MGAT4C: variants seen among roughly 807,000 people sequenced by gnomAD.
MGAT4C encodes alpha-1,3-mannosyl-glycoprotein 4-beta-N-acetylglucosaminyltransferase C.
MGAT4C carries 19 observed loss-of-function variants against 40.1 expected under a neutral mutation model. That is an observed-to-expected ratio of 0.47 (90% CI 0.33 to 0.70). MGAT4C has a LOEUF of 0.70. Among genes scored for constraint, MGAT4C ranks in the 30% least tolerant of loss-of-function variants. The pLI is 0.02. For synonymous variants in MGAT4C, 181 were observed against 187.1 expected (o/e 0.97, Z 0.27); for missense variants, 491 against 563.2 (o/e 0.87, Z 1.30).
At chr12:85,989,657 G>T in intron 2 of MGAT4C, 105 bp from the exon 3 acceptor site, 1 of 1,069,826 alleles carries the variant, frequency 9.3e-7, no homozygotes, top group Non-Finnish European at 1.3e-6. Flanking sequence ...TCTTTCAAAT[G>T]TTTGAATTAA....
At chr12:86,408,109 C>T (rs1009288808) in intron 3 of MGAT4C, among the ~76,000 whole-genome samples, 1 of 151,996 alleles carries the variant, frequency 6.6e-6, no homozygotes, top group Non-Finnish European at 1.5e-5. Context: ...CACGCACACA[C>T]ACACAACTGC....
intron 4 of MGAT4C, among the ~76,000 whole-genome samples, chr12:86,327,314 AT>A (rs1203219417): frequency 6.6e-6 from 1 of 151,834 alleles, no homozygotes; most frequent in Non-Finnish European, 1.5e-5. Context: ...GGATTTTTTA[AT>A]TTTTTTATTT....
At chr12:86,490,665 T>C (rs1022154121) in intron 2 of MGAT4C, among the ~76,000 whole-genome samples, 10 of 151,734 alleles carry the variant, frequency 6.6e-5, no homozygotes, top group Non-Finnish European at 1.5e-5. Flanking sequence ...CAGTGTGCTG[T>C]ATTCAGGAAA....
At chr12:86,239,137 A>C (rs1951670912) in intron 1 of MGAT4C, among the ~76,000 whole-genome samples, 1 of 152,052 alleles carries the variant, frequency 6.6e-6, no homozygotes, top group Non-Finnish European at 1.5e-5. Context: ...GCATTATTAA[A>C]ACTAGGTATA....
chr12:86,366,146 G>C (rs12228782), intron 3 of MGAT4C, among the ~76,000 whole-genome samples: 2 of 151,946 alleles, frequency 1.3e-5, no homozygotes, highest in East Asian at 3.9e-4. Flanking sequence ...TTTTGTGTGC[G>C]TGTGGCTATT....
chr12:86,690,362 C>T (rs181036995), intron 2 of MGAT4C, among the ~76,000 whole-genome samples: 19 of 152,198 alleles, frequency 1.2e-4, no homozygotes, highest in Non-Finnish European at 1.6e-4. Flanking sequence ...CACTGGGGTA[C>T]GAAAAAGACT....
intron 4 of MGAT4C, among the ~76,000 whole-genome samples, chr12:86,322,450 C>T (rs551688089): frequency 6.6e-6 from 1 of 150,816 alleles, no homozygotes; most frequent in Admixed American, 6.6e-5. Context: ...GTTGCTATTA[C>T]ATTTTTAGAC....
intron 1 of MGAT4C, among the ~76,000 whole-genome samples, chr12:86,821,348 C>T (rs771217944): frequency 5.3e-5 from 8 of 150,694 alleles, no homozygotes; most frequent in Middle Eastern, 3.4e-3. Flanking sequence ...AGTTAAGCAA[C>T]GTTTAATCTT....
In MGAT4C at chr12:85,971,270, G is replaced by A. The variant is rs1017132203; in HGVS notation, c.*8019C>T. The A allele has an allele frequency of 7.3e-5, 11 of 151,246 alleles. No individual in the cohort carries two copies. Among genetic ancestry groups the A allele is most frequent in the African/African-American group, 2.4e-4 (10 of 41,370 alleles). 9.4% of individuals were successfully genotyped at this position (151,246 alleles called of 1,614,324 possible). On this transcript the variant is annotated 3_prime_UTR_variant, in exon 5 of 5. Transcript: ENST00000611864. ...TCAGATCAACACTATTGGGCACCCA[G>A]TTATTTGGTGGTACGCTGAGTGAAA...
At chr12:86,657,102 C>T (rs554770216) in intron 2 of MGAT4C, among the ~76,000 whole-genome samples, 1 of 152,100 alleles carries the variant, frequency 6.6e-6, no homozygotes, top group South Asian at 2.1e-4. Flanking sequence ...TTAGAATTCA[C>T]TTGCCATATC....
rs113418435 is a variant in MGAT4C at position 86,292,594 on chromosome 12, T to C, written c.-57+41471A>G. 1.7e-3 allele frequency among the ~76,000 whole-genome samples: 266 copies of C among 152,264 alleles called. 4 individuals are homozygous for C. The highest frequency in any genetic ancestry group is 6.1e-3 in the African/African-American group (253 of 41,570). The stretch of plus-strand genomic sequence containing the variant: ...CTGTCTAGAAATAATTAATGATAAC[T>C]TCTGAAGAGCTGTCATAGGTAATGT... On this transcript the variant is annotated intron_variant, in intron 4 of 7. Coordinates refer to the MGAT4C transcript ENST00000548651.
At chr12:86,260,628 C>T (rs1952638515), upstream of MGAT4C, among the ~76,000 whole-genome samples, 1 of 152,050 alleles carries the variant, frequency 6.6e-6, no homozygotes, top group Non-Finnish European at 1.5e-5. Flanking sequence ...AATAGCTCCA[C>T]TATTAGAATT....
chr12:86,050,769 G>C (rs946258185), intron 1 of MGAT4C, among the ~76,000 whole-genome samples: 1 of 151,932 alleles, frequency 6.6e-6, no homozygotes, highest in East Asian at 1.9e-4. Context: ...AGCTTCCACA[G>C]ACAGCAAGAA....
At chr12:86,751,257 A>G (rs1304950659) in intron 1 of MGAT4C, among the ~76,000 whole-genome samples, 1 of 152,024 alleles carries the variant, frequency 6.6e-6, no homozygotes, top group Non-Finnish European at 1.5e-5. Context: ...GTTATAACAC[A>G]CTAAAGCAAT....
chr12:86,151,363 A>G (rs535123751), intron 1 of MGAT4C, among the ~76,000 whole-genome samples: 1 of 152,284 alleles, frequency 6.6e-6, no homozygotes, highest in East Asian at 1.9e-4. Context: ...CTGTAATCCC[A>G]GCACTTTGGT....
At chr12:86,338,339 C>T (rs576236779) in intron 3 of MGAT4C, among the ~76,000 whole-genome samples, 2 of 152,098 alleles carry the variant, frequency 1.3e-5, no homozygotes, top group African/African-American at 4.8e-5. Context: ...CCAGCTGATA[C>T]ATCAAGTGCA....
At chr12:86,011,477 G>C (rs942041539) in intron 2 of MGAT4C, among the ~76,000 whole-genome samples, 4 of 152,276 alleles carry the variant, frequency 2.6e-5, no homozygotes, top group East Asian at 1.9e-4. Context: ...TAGAGATTAA[G>C]AAAGAATATT....
At chr12:86,764,766 G>A (rs1254348287) in intron 1 of MGAT4C, among the ~76,000 whole-genome samples, 1 of 152,136 alleles carries the variant, frequency 6.6e-6, no homozygotes, top group Non-Finnish European at 1.5e-5. Flanking sequence ...GGTCTGGAGT[G>A]GACCTCTAGC....
chr12:86,028,198 A>G (rs1006151717), intron 2 of MGAT4C: 60 of 1,286,426 alleles, frequency 4.7e-5, no homozygotes, highest in Admixed American at 9.3e-5. Context: ...ACGTTCCAAG[A>G]TTCCATCTGC....
Sources: allele counts gnomAD v4.1 joint callset (sites outside exome capture counted in the v4.1 genomes callset), GRCh38; gene constraint gnomAD v4.1.1; transcripts MANE v1.5; gene names NCBI Gene and HGNC (gene_info 2026-07-23, HGNC 2026-07-21).